CFAP70: variants seen among roughly 807,000 people sequenced by gnomAD.
The protein encoded by CFAP70 is cilia and flagella associated protein 70.
In CFAP70, 81 loss-of-function variants were observed where a neutral mutation model predicts 137.6. The observed-to-expected ratio is 0.59, with a 90% CI of 0.49 to 0.71. The LOEUF (loss-of-function observed/expected upper bound fraction) is 0.71, where lower values mean the gene tolerates loss of function less well. CFAP70 is among the 30% of genes least tolerant of loss of function. CFAP70 has a pLI of 0.00. For missense variants in CFAP70, 976 were observed against 1,226.7 expected (o/e 0.80, Z 3.05); for synonymous variants, 382 against 423.6 (o/e 0.90, Z 1.20).
chr10:73,273,020 G>A lies in CFAP70; in HGVS notation c.2836-3C>T. 2 of 1,548,436 alleles carry A rather than the reference G, an allele frequency of 1.3e-6. No individual in the cohort carries two copies. Among genetic ancestry groups the A allele is most frequent in the Admixed American group, 2.0e-5 (1 of 51,020 alleles). On this transcript the variant is annotated splice_region_variant and splice_polypyrimidine_tract_variant and intron_variant, in intron 23 of 26. Coordinates refer to ENST00000310715, the Ensembl canonical transcript of CFAP70. The stretch of plus-strand genomic sequence containing the variant: ...TAGGTTTTCTTTGCCTTTTCATACT[G>A]TAGAAAGAAAGCACCACTAAGCTAC...
intron 22 of CFAP70, 178 bp from the exon 24 acceptor site, chr10:73,274,772 G>T: frequency 1.7e-6 from 1 of 603,146 alleles, no homozygotes; most frequent in East Asian, 3.1e-5. Flanking sequence ...AATTGTACAA[G>T]GAGACATTTT....
chr10:73,324,059 C>T lies in CFAP70; in HGVS notation c.778-962G>A, dbSNP rs570445418. On this transcript the variant is annotated intron_variant, in intron 8 of 26. Transcript: ENST00000310715. ...AAGTGGGTCCCTGACCCCTGACCCC[C>T]GAGCAGCCTAACTGGGAGGCACCCC... 2.0e-3 allele frequency among the ~76,000 whole-genome samples: 311 copies of T among 152,302 alleles called. 1 individual carries two copies. Among genetic ancestry groups the T allele is most frequent in the Admixed American group, 0.013 (196 of 15,300 alleles).
At chr10:73,329,919 A>G (rs2051901604) in intron 8 of CFAP70, among the ~76,000 whole-genome samples, 1 of 152,208 alleles carries the variant, frequency 6.6e-6, no homozygotes, top group South Asian at 2.1e-4. Flanking sequence ...AGGCGGACGA[A>G]TGACAGTCTC....
chr10:73,352,519 C>T (rs1256529140), intron 3 of CFAP70, among the ~76,000 whole-genome samples: 1 of 152,066 alleles, frequency 6.6e-6, no homozygotes, highest in Non-Finnish European at 1.5e-5. Flanking sequence ...TCCAGGTTGC[C>T]ACCTTCTTCA....
chr10:73,276,521 GTTAATGTGTTAAAGCCTCCTGC>G (rs1172313505), intron 21 of CFAP70: 1 of 152,152 alleles, frequency 6.6e-6, no homozygotes, highest in African/African-American at 2.4e-5. Context: ...TTTGCGGAGG[GTTAATGTGTTAAAGCCTCCTGC>G]TTAATGTGGC....
chr10:73,344,308 G>GA (rs569278839), intron 5 of CFAP70, among the ~76,000 whole-genome samples: 392 of 151,868 alleles, frequency 2.6e-3, no homozygotes, highest in Middle Eastern at 0.017. Flanking sequence ...CCCTCCAGGA[G>GA]AAAAAAAATA....
intron 9 of CFAP70, 47 bp downstream of exon 10, chr10:73,322,916 T>G (rs774725947): frequency 6.6e-6 from 10 of 1,520,852 alleles, no homozygotes; most frequent in Non-Finnish European, 8.9e-6. Context: ...TAAACAGATA[T>G]ATAAAGGATA....
At chr10:73,302,168 A>T (rs2049000188) in intron 12 of CFAP70, among the ~76,000 whole-genome samples, 1 of 152,188 alleles carries the variant, frequency 6.6e-6, no homozygotes, top group Middle Eastern at 3.4e-3. Context: ...CAGTGTATAG[A>T]TGGTATTTAG....
At position 73,302,057 on chromosome 10, in the gene CFAP70, A is replaced by G. The variant is rs538799250; in HGVS notation, c.1257-2392T>C. Among the ~76,000 whole-genome samples, 3 of 152,358 alleles carry G rather than the reference A, an allele frequency of 2.0e-5. No homozygotes were observed. In the East Asian group the frequency reaches 5.8e-4, roughly 29 times the overall value. On this transcript the variant is annotated intron_variant, in intron 12 of 26. Transcript: ENST00000310715. ...AAACTTACATCTAAGTATATCTTACATCTTACATGTAAGTCCCAGATGAGG... is the reference window on the plus strand; with the variant it reads ...AAACTTACATCTAAGTATATCTTACGTCTTACATGTAAGTCCCAGATGAGG...
chr10:73,322,895 A>G (rs549690001), intron 9 of CFAP70, 68 bp downstream of exon 10: 435 of 1,389,464 alleles, frequency 3.1e-4, no homozygotes, highest in Non-Finnish European at 3.8e-4. Context: ...TGTATATGCT[A>G]AAGATGTAAG....
chr10:73,345,042 A>G, intron 5 of CFAP70, 23 bp downstream of exon 6: 1 of 1,608,500 alleles, frequency 6.2e-7, no homozygotes, highest in Non-Finnish European at 8.5e-7. Context: ...AATCTCTATA[A>G]ATATCTGGCA....
intron 23 of CFAP70, among the ~76,000 whole-genome samples, chr10:73,273,734 C>T (rs911542994): frequency 3.9e-5 from 6 of 152,150 alleles, no homozygotes; most frequent in Non-Finnish European, 7.3e-5. Flanking sequence ...CATACAGCAT[C>T]GTAATTTCTT....
upstream of CFAP70, among the ~76,000 whole-genome samples, chr10:73,361,000 TC>T (rs2054981985): frequency 6.7e-6 from 1 of 148,422 alleles, no homozygotes; most frequent in African/African-American, 2.6e-5. Context: ...GTTACAATTT[TC>T]TTTTTTTTTT....
intron 7 of CFAP70, among the ~76,000 whole-genome samples, chr10:73,334,121 A>G (rs1240589508): frequency 6.6e-6 from 1 of 152,190 alleles, no homozygotes; most frequent in Non-Finnish European, 1.5e-5. Flanking sequence ...TTCATATTGT[A>G]TATATATTGG....
At chr10:73,260,701 G>T (rs1467845202) in intron 25 of CFAP70, among the ~76,000 whole-genome samples, 1 of 152,072 alleles carries the variant, frequency 6.6e-6, no homozygotes, top group East Asian at 1.9e-4. Context: ...CAAATAAATA[G>T]AATCAAATAA....
At chr10:73,291,601 T>A (rs947828576) in intron 18 of CFAP70, 39 bp downstream of exon 19, 1 of 1,567,314 alleles carries the variant, frequency 6.4e-7, no homozygotes, top group Admixed American at 1.8e-5. Context: ...AATCTTATAA[T>A]GGGGAGAAAA....
chr10:73,296,806 G>A, intron 15 of CFAP70: 1 of 310,354 alleles, frequency 3.2e-6, no homozygotes, highest in East Asian at 5.5e-5. Context: ...ATTTTTTAAA[G>A]TTGTGAAATT....
At chr10:73,286,105 G>A (rs930374466) in intron 19 of CFAP70, among the ~76,000 whole-genome samples, 4 of 152,136 alleles carry the variant, frequency 2.6e-5, no homozygotes, top group Non-Finnish European at 5.9e-5. Context: ...CACTCTAAGA[G>A]TAAAGGATGA....
chr10:73,255,842 G>T (rs2044435031), intron 26 of CFAP70, among the ~76,000 whole-genome samples: 1 of 152,104 alleles, frequency 6.6e-6, no homozygotes, highest in Non-Finnish European at 1.5e-5. Flanking sequence ...ACCATGCCTG[G>T]CCACTACCTG....
Sources: allele counts gnomAD v4.1 joint callset (sites outside exome capture counted in the v4.1 genomes callset), GRCh38; gene constraint gnomAD v4.1.1; transcripts MANE v1.5; gene names NCBI Gene and HGNC (gene_info 2026-07-23, HGNC 2026-07-21).